ANKH: variants seen among roughly 807,000 people sequenced by gnomAD.
The protein encoded by ANKH is mineralization regulator ANKH.
In ANKH, 15 loss-of-function variants were observed where a neutral mutation model predicts 49.0. The observed-to-expected ratio is 0.31, with a 90% CI of 0.20 to 0.47. The LOEUF (loss-of-function observed/expected upper bound fraction) is 0.47. Ranked by LOEUF, ANKH falls within the 20% of genes least tolerant of loss-of-function variation. The pLI is 1.00. For missense variants in ANKH, 429 were observed against 652.0 expected, an observed-to-expected ratio of 0.66 and a Z score of 3.72; for synonymous variants, 273 against 260.0, an observed-to-expected ratio of 1.05 and a Z score of -0.48.
rs950822123 is a variant in ANKH, at chr5:14,705,376, G to A, written c.*5821C>T. On this transcript the variant is annotated 3_prime_UTR_variant, in exon 12 of 12. Transcript: ENST00000284268. ...CTTCCATTGTAGGATCTCATACGAC[G>A]TTCTAAATCCTAGATCATAAACAGA... The A allele has an allele frequency of 1.3e-5, 2 of 152,092 alleles. No homozygotes were observed. The highest frequency in any genetic ancestry group is 2.9e-5 in the Non-Finnish European group (2 of 68,008). 9.4% of individuals were successfully genotyped at this position (152,092 alleles called of 1,614,324 possible).
At chr5:14,870,981 C>T (rs981161557) in intron 1 of ANKH, 3 of 367,336 alleles carry the variant, frequency 8.2e-6, no homozygotes, top group South Asian at 6.3e-5. Context: ...GTCACCATTA[C>T]CACCAGCCAT....
intron 1 of ANKH, among the ~76,000 whole-genome samples, chr5:14,774,997 G>A (rs74816438): frequency 0.041 from 6,263 of 151,736 alleles, 203 homozygotes; most frequent in African/African-American, 0.081. Context: ...CTGAAACCTC[G>A]GATAGTACCC....
chr5:14,843,680 G>C (rs1262048736), intron 1 of ANKH, among the ~76,000 whole-genome samples: 1 of 151,874 alleles, frequency 6.6e-6, no homozygotes, highest in African/African-American at 2.4e-5. Flanking sequence ...GAAGACTCAA[G>C]CTTAACATGC....
chr5:14,736,257 T>A (rs1391088456), intron 8 of ANKH, among the ~76,000 whole-genome samples: 1 of 152,092 alleles, frequency 6.6e-6, no homozygotes, highest in Non-Finnish European at 1.5e-5. Flanking sequence ...CCAGTGGATG[T>A]AGTCTGGGGG....
At chr5:14,798,985 G>C (rs1022225988) in intron 1 of ANKH, among the ~76,000 whole-genome samples, 2 of 152,242 alleles carry the variant, frequency 1.3e-5, no homozygotes, top group Non-Finnish European at 2.9e-5. Flanking sequence ...TCCTCTATCA[G>C]TTAGCCAAGT....
At chr5:14,712,850 A>C (rs1169317285) in intron 11 of ANKH, 24 bp downstream of exon 11, 3 of 1,577,262 alleles carry the variant, frequency 1.9e-6, no homozygotes, top group Non-Finnish European at 2.6e-6. Context: ...ACCCGGGAGG[A>C]GGCTCCCGGC....
At chr5:14,842,820 C>A (rs1452050545) in intron 1 of ANKH, among the ~76,000 whole-genome samples, 1 of 152,106 alleles carries the variant, frequency 6.6e-6, no homozygotes, top group East Asian at 1.9e-4. Context: ...ATCATATCAC[C>A]CATGGGTGGT....
chr5:14,838,960 G>A (rs978912209), intron 1 of ANKH, among the ~76,000 whole-genome samples: 2 of 152,120 alleles, frequency 1.3e-5, no homozygotes, highest in African/African-American at 4.8e-5. Flanking sequence ...ATTTGTTAAT[G>A]TTAAATGACA....
chr5:14,722,840 A>G (rs1187245978), intron 8 of ANKH, among the ~76,000 whole-genome samples: 1 of 152,064 alleles, frequency 6.6e-6, no homozygotes, highest in African/African-American at 2.4e-5. Context: ...ACCCGTCCTG[A>G]CAGCAGAGGA....
chr5:14,722,720 C>T (rs1737707430), intron 8 of ANKH, among the ~76,000 whole-genome samples: 1 of 152,176 alleles, frequency 6.6e-6, no homozygotes, highest in East Asian at 1.9e-4. Flanking sequence ...AAATGTCCTG[C>T]ACAGAACTCT....
At chr5:14,815,246 G>A (rs1258168836) in intron 1 of ANKH, among the ~76,000 whole-genome samples, 1 of 152,168 alleles carries the variant, frequency 6.6e-6, no homozygotes, top group Non-Finnish European at 1.5e-5. Context: ...CCACAGGCAA[G>A]TCTCCCGATT....
chr5:14,758,374 A>G, intron 3 of ANKH, 106 bp downstream of exon 3: 1 of 844,294 alleles, frequency 1.2e-6, no homozygotes, highest in East Asian at 2.6e-5. Context: ...ACTTCCTGCC[A>G]TTAAGCTGTA....
At chr5:14,738,531 C>T (rs1337915655) in intron 8 of ANKH, among the ~76,000 whole-genome samples, 1 of 152,166 alleles carries the variant, frequency 6.6e-6, no homozygotes, top group Non-Finnish European at 1.5e-5. Context: ...CTACTGTATA[C>T]ACAGAATCAT....
At chr5:14,719,540 T>C (rs1454788057) in intron 8 of ANKH, among the ~76,000 whole-genome samples, 1 of 151,990 alleles carries the variant, frequency 6.6e-6, no homozygotes, top group African/African-American at 2.4e-5. Context: ...CCTAATGTGC[T>C]TGAATACTTG....
chr5:14,784,052 A>G (rs1016307838), intron 1 of ANKH, among the ~76,000 whole-genome samples: 2 of 152,250 alleles, frequency 1.3e-5, no homozygotes, highest in Non-Finnish European at 2.9e-5. Context: ...GCAGCATCAG[A>G]AGGCGTATTT....
At chr5:14,865,999 C>G (rs1308337095) in intron 1 of ANKH, among the ~76,000 whole-genome samples, 1 of 152,176 alleles carries the variant, frequency 6.6e-6, no homozygotes, top group Admixed American at 6.5e-5. Flanking sequence ...TAGACCCAAC[C>G]AAATTCAGTG....
intron 11 of ANKH, among the ~76,000 whole-genome samples, chr5:14,712,035 T>TA (rs1360019360): frequency 6.6e-6 from 1 of 152,196 alleles, no homozygotes; most frequent in Non-Finnish European, 1.5e-5. Context: ...TTCCTCAGCT[T>TA]ACATGACATG....
chr5:14,779,454 C>T (rs1300940636), intron 1 of ANKH, among the ~76,000 whole-genome samples: 2 of 152,156 alleles, frequency 1.3e-5, no homozygotes, highest in African/African-American at 4.8e-5. Flanking sequence ...TTATCGCCCT[C>T]GTCAAGGTGT....
intron 5 of ANKH, among the ~76,000 whole-genome samples, chr5:14,749,744 A>C (rs1738653560): frequency 1.3e-5 from 2 of 152,256 alleles, no homozygotes; most frequent in South Asian, 4.1e-4. Flanking sequence ...CAGCTCACAA[A>C]AATGTGCCTA....
Sources: allele counts gnomAD v4.1 joint callset (sites outside exome capture counted in the v4.1 genomes callset), GRCh38; gene constraint gnomAD v4.1.1; transcripts MANE v1.5; gene names NCBI Gene and HGNC (gene_info 2026-07-23, HGNC 2026-07-21).